The following BLM variants were observed in gnomAD, a reference collection of about 807,000 sequenced individuals.
The protein encoded by BLM is BLM RecQ like helicase, also known as recQ-like DNA helicase BLM.
In BLM, 95 loss-of-function variants were observed where a neutral mutation model predicts 135.3. The observed-to-expected ratio is 0.70, with a 90% confidence interval of 0.59 to 0.83. BLM has a LOEUF of 0.83. Ranked by LOEUF, BLM falls within the 40% of genes least tolerant of loss-of-function variation. BLM has a pLI of 0.00. For synonymous variants in BLM, 520 were observed against 589.2 expected, an observed-to-expected ratio of 0.88 and a Z score of 1.70; for missense variants, 1,518 against 1,663.9, an observed-to-expected ratio of 0.91 and a Z score of 1.53.
At chr15:90,793,162 T>C (rs1896947824) in intron 15 of BLM, among the ~76,000 whole-genome samples, 1 of 149,176 alleles carries the variant, frequency 6.7e-6, no homozygotes, top group African/African-American at 2.5e-5. Context: ...TGAGACGGAG[T>C]TGCGCTTTTG....
intron 9 of BLM, among the ~76,000 whole-genome samples, chr15:90,765,673 A>G (rs1035414336): frequency 3.3e-5 from 5 of 152,198 alleles, no homozygotes; most frequent in Non-Finnish European, 5.9e-5. Flanking sequence ...CGAATAGAAA[A>G]TCATTTCTTT....
chr15:90,767,244 T>C (rs1386623091), intron 10 of BLM, among the ~76,000 whole-genome samples: 1 of 152,226 alleles, frequency 6.6e-6, no homozygotes, highest in East Asian at 1.9e-4. Flanking sequence ...TGGTATCCTT[T>C]TAAGCCCTAA....
In BLM at chr15:90,790,447, G is replaced by A. The variant is rs889777155; in HGVS notation, c.2824-202G>A. ...TGCTGAGCTTCTCTTTACCTTCTTG[G>A]GTTTTAATGGCATTGCAAGTTATCA... On this transcript the variant is annotated intron_variant, in intron 14 of 21. Coordinates refer to ENST00000355112, the MANE Select transcript of BLM (RefSeq NM_000057.4). The A allele has an allele frequency of 8.4e-6, 5 of 592,552 alleles. No homozygotes were observed. The African/African-American group carries it at 9.3e-5, about 11-fold the overall frequency. The allele number at this position is 592,552 out of a possible 1,614,324, so 36.7% of individuals were successfully genotyped here.
chr15:90,794,125 T>C (rs1284912067), intron 15 of BLM, 42 bp from the exon 16 acceptor site: 5 of 1,423,862 alleles, frequency 3.5e-6, no homozygotes, highest in African/African-American at 2.8e-5. Context: ...GCTCTATTTT[T>C]CCCCTATAAG....
rs748567176 is a variant in BLM, at chr15:90,763,047, T to C, written c.1964T>C (p.Met655Thr). ...CTTAGTTTTCCTCATACAAAGGAAA[T>C]GATGAAGATTTTTCATAAAAAATTT... is the stretch of plus-strand genomic sequence containing the variant. Reference protein sequence around the residue: ...QSLSFPHTKEMMKIFHKKFGL... With the variant: ...QSLSFPHTKETMKIFHKKFGL... The change falls in exon 8 of 22, where the codon ATG (methionine) becomes ACG (threonine). Residue 655 changes from methionine (M) to threonine (T), a missense_variant. By Grantham distance (81) the Met-to-Thr change is moderately conservative. Transcript: ENST00000355112. 13 of 1,613,828 alleles carry C rather than the reference T, an allele frequency of 8.1e-6. No individual in the cohort carries two copies. The highest frequency in any genetic ancestry group is 1.3e-5 in the African/African-American group (1 of 74,858).
intron 5 of BLM, among the ~76,000 whole-genome samples, chr15:90,757,117 C>T (rs1895839880): frequency 6.6e-6 from 1 of 152,116 alleles, no homozygotes; most frequent in South Asian, 2.1e-4. Context: ...ATTATTGTTT[C>T]CTCCCCCTTA....
rs28385066 is a variant in BLM at position 90,785,178 on chromosome 15, G to A, written c.2823+97G>A. The A allele has an allele frequency of 4.6e-3, 6,027 of 1,302,858 alleles. 18 individuals carry two copies. The highest frequency in any genetic ancestry group is 5.7e-3 in the Non-Finnish European group (5,292 of 932,934). The allele number at this position is 1,302,858 out of a possible 1,614,324, so 80.7% of individuals were successfully genotyped here. ...AATGCAAACTGTTTTTACCTTGAAGGTAGTAAACATCAAAATAAGACTGAA... is the reference window on the plus strand; with the variant it reads ...AATGCAAACTGTTTTTACCTTGAAGATAGTAAACATCAAAATAAGACTGAA... On this transcript the variant is annotated intron_variant, in intron 14 of 21. Coordinates refer to ENST00000355112, the MANE Select transcript of BLM (RefSeq NM_000057.4).
At chr15:90,766,072 A>G (rs532593682) in intron 9 of BLM, among the ~76,000 whole-genome samples, 6 of 152,340 alleles carry the variant, frequency 3.9e-5, no homozygotes, top group African/African-American at 1.2e-4. Flanking sequence ...TCATGCCACT[A>G]CAATCTAGCC....
chr15:90,734,042 T>G (rs1567027843), intron 1 of BLM, among the ~76,000 whole-genome samples: 1 of 152,096 alleles, frequency 6.6e-6, no homozygotes, highest in Non-Finnish European at 1.5e-5. Flanking sequence ...ATGTAAAAGT[T>G]CTAAATAAAA....
rs34622436 is a variant in BLM at position 90,778,890 on chromosome 15, T to C, written c.2556-3932T>C. Among the ~76,000 whole-genome samples the C allele has an allele frequency of 0.013, 1,604 of 125,646 alleles. 89 individuals carry two copies. The East Asian group carries it at 0.15, about 12-fold the overall frequency. 82.4% of individuals were successfully genotyped at this position (125,646 alleles called of 152,430 possible). On this transcript the variant is annotated intron_variant, in intron 12 of 21. Coordinates refer to ENST00000355112, the MANE Select transcript of BLM (RefSeq NM_000057.4). The stretch of plus-strand genomic sequence containing the variant: ...TAGAAACTCTATGTTTAACCCTTTC[T>C]TTTTTTTTTTTTTGAGACGGAGTCT...
chr15:90,743,121 T>A (rs1895411734), intron 1 of BLM, among the ~76,000 whole-genome samples: 1 of 151,094 alleles, frequency 6.6e-6, no homozygotes, highest in African/African-American at 2.4e-5. Context: ...TCAGCCTCCC[T>A]GAGTAGTTGG....
intron 1 of BLM, among the ~76,000 whole-genome samples, chr15:90,745,704 G>A (rs2151143708): frequency 6.6e-6 from 1 of 152,272 alleles, no homozygotes; most frequent in Middle Eastern, 3.4e-3. Flanking sequence ...AGCCACTGCT[G>A]CCAGCCACGT....
chr15:90,752,366 G>A (rs1475278752), intron 4 of BLM, among the ~76,000 whole-genome samples: 2 of 152,096 alleles, frequency 1.3e-5, no homozygotes, highest in Admixed American at 6.5e-5. Flanking sequence ...CAGTAGAGAC[G>A]AGGTTTTGCC....
At chr15:90,778,131 G>A (rs1896526579) in intron 12 of BLM, among the ~76,000 whole-genome samples, 1 of 152,180 alleles carries the variant, frequency 6.6e-6, no homozygotes, top group African/African-American at 2.4e-5. Flanking sequence ...AACAAATTGT[G>A]TAAATATTGC....
chr15:90,734,764 T>C (rs1895166638), intron 1 of BLM, among the ~76,000 whole-genome samples: 1 of 151,062 alleles, frequency 6.6e-6, no homozygotes, highest in African/African-American at 2.4e-5. Flanking sequence ...TTTTATCTAA[T>C]AGGAAAATAC....
intron 12 of BLM, among the ~76,000 whole-genome samples, chr15:90,776,026 T>G (rs1409286472): frequency 6.6e-6 from 1 of 152,224 alleles, no homozygotes; most frequent in Non-Finnish European, 1.5e-5. Flanking sequence ...CTGGATGAAT[T>G]GGGTCCATTT....
intron 7 of BLM, among the ~76,000 whole-genome samples, 176 bp from the exon 8 acceptor site, chr15:90,762,790 C>G (rs1896020078): frequency 1.3e-5 from 2 of 151,954 alleles, no homozygotes; most frequent in South Asian, 4.2e-4. Context: ...TGATTTGGGA[C>G]TTTGGCAAGT....
At chr15:90,747,211 T>C (rs563117009) in intron 1 of BLM, among the ~76,000 whole-genome samples, 178 bp from the exon 2 acceptor site, 5 of 141,766 alleles carry the variant, frequency 3.5e-5, no homozygotes, top group African/African-American at 1.4e-4. Flanking sequence ...TGTCACTAGT[T>C]GTAAATGTCA....
intron 16 of BLM, among the ~76,000 whole-genome samples, chr15:90,794,897 A>C (rs1305627852): frequency 6.6e-6 from 1 of 151,996 alleles, no homozygotes; most frequent in East Asian, 1.9e-4. Context: ...TTAACTATAA[A>C]GAATAACAGT....
Sources: gnomAD v4.1 joint callset for allele counts (sites outside exome capture counted in the v4.1 genomes callset) on GRCh38, gnomAD v4.1.1 for gene constraint, MANE v1.5 for transcripts, NCBI Gene and HGNC (gene_info 2026-07-23, HGNC 2026-07-21) for gene names.